Variants in COL24A1 observed in about 807,000 individuals in gnomAD.
COL24A1 encodes the protein collagen type XXIV alpha 1 chain, also known as collagen alpha-1(XXIV) chain.
In COL24A1, 224 loss-of-function variants were observed where a neutral mutation model predicts 253.9. That is an observed-to-expected ratio of 0.88 (90% confidence interval 0.79 to 0.99). The LOEUF is 0.99. COL24A1 is among the 50% of genes least tolerant of loss of function. The pLI, the probability that COL24A1 is intolerant of heterozygous loss-of-function variation, is 0.00. For missense variants in COL24A1, 2,131 were observed against 2,068.5 expected (o/e 1.03, Z -0.59); for synonymous variants, 685 against 673.7 (o/e 1.02, Z -0.26).
At chr1:85,937,939 G>A (rs1688380248) in intron 24 of COL24A1, among the ~76,000 whole-genome samples, 2 of 147,508 alleles carry the variant, frequency 1.4e-5, no homozygotes, top group African/African-American at 2.5e-5. Context: ...AAAATATTAT[G>A]TCAGAGCAGG....
At chr1:85,940,591 G>T (rs1302164334) in intron 24 of COL24A1, among the ~76,000 whole-genome samples, 1 of 152,064 alleles carries the variant, frequency 6.6e-6, no homozygotes, top group Non-Finnish European at 1.5e-5. Context: ...GGAGGTTCCT[G>T]ATTAGACAAT....
intron 35 of COL24A1, among the ~76,000 whole-genome samples, chr1:85,871,218 C>G (rs186462655): frequency 6.6e-6 from 1 of 151,906 alleles, no homozygotes; most frequent in Non-Finnish European, 1.5e-5. Context: ...GCCTACCAAC[C>G]AAAAAAAGTC....
At chr1:86,112,807 A>G (rs1705739248) in intron 4 of COL24A1, among the ~76,000 whole-genome samples, 187 bp from the exon 5 acceptor site, 1 of 152,184 alleles carries the variant, frequency 6.6e-6, no homozygotes, top group African/African-American at 2.4e-5. Context: ...TTTTCTTCAG[A>G]TCTCAACTCA....
chr1:85,898,568 T>C (rs1683989454), intron 28 of COL24A1, among the ~76,000 whole-genome samples: 1 of 152,248 alleles, frequency 6.6e-6, no homozygotes, highest in South Asian at 2.1e-4. Flanking sequence ...ACAGTCTTAC[T>C]GTGCAAGACC....
At chr1:86,135,866 A>G (rs940550628) in intron 2 of COL24A1, among the ~76,000 whole-genome samples, 3 of 151,862 alleles carry the variant, frequency 2.0e-5, no homozygotes, top group Non-Finnish European at 2.9e-5. Flanking sequence ...CTTATTGTAT[A>G]TTTCTACTTG....
chr1:85,920,538 T>C (rs1362429007), intron 24 of COL24A1, among the ~76,000 whole-genome samples: 2 of 152,174 alleles, frequency 1.3e-5, no homozygotes, highest in African/African-American at 2.4e-5. Context: ...AGAATCACTA[T>C]TGGTTTTCAG....
chr1:85,842,459 T>A, intron 39 of COL24A1, 66 bp from the exon 40 acceptor site: 1 of 1,064,470 alleles, frequency 9.4e-7, no homozygotes, highest in Non-Finnish European at 1.4e-6. Flanking sequence ...ATTAGACTTC[T>A]ACTCCTATTG....
intron 7 of COL24A1, among the ~76,000 whole-genome samples, chr1:86,064,363 T>C (rs1426289754): frequency 2.6e-5 from 4 of 152,090 alleles, no homozygotes; most frequent in Admixed American, 6.6e-5. Context: ...AAAATCTTAA[T>C]CTCTATAAAT....
intron 24 of COL24A1, among the ~76,000 whole-genome samples, chr1:85,939,251 T>C (rs1688512931): frequency 1.3e-5 from 2 of 152,280 alleles, no homozygotes; most frequent in East Asian, 1.9e-4. Context: ...TCTGTGGTTA[T>C]GGAAAAAATG....
intron 45 of COL24A1, among the ~76,000 whole-genome samples, chr1:85,822,560 GT>G (rs1673757132): frequency 6.6e-6 from 1 of 151,914 alleles, no homozygotes; most frequent in Non-Finnish European, 1.5e-5. Context: ...CAGATTTTTA[GT>G]TTGCTTGATA....
At chr1:86,105,491 G>A (rs960698695) in intron 5 of COL24A1, among the ~76,000 whole-genome samples, 1 of 152,136 alleles carries the variant, frequency 6.6e-6, no homozygotes, top group Non-Finnish European at 1.5e-5. Context: ...GTCCAGCATT[G>A]GGTGCCCTGG....
chr1:86,151,454 A>C (rs970866723), intron 1 of COL24A1, among the ~76,000 whole-genome samples: 3 of 152,158 alleles, frequency 2.0e-5, no homozygotes, highest in Admixed American at 1.3e-4. Context: ...AGGCTCAAAA[A>C]ATATAACCCA....
intron 27 of COL24A1, among the ~76,000 whole-genome samples, chr1:85,907,837 T>C (rs1684988067): frequency 6.6e-6 from 1 of 151,858 alleles, no homozygotes. Context: ...AATTTATTTA[T>C]CTATTAACCC....
At chr1:85,848,748 A>C (rs1424457302) in intron 38 of COL24A1, among the ~76,000 whole-genome samples, 3 of 152,230 alleles carry the variant, frequency 2.0e-5, no homozygotes, top group Non-Finnish European at 2.9e-5. Flanking sequence ...CTGTGAACAC[A>C]GTTGGACAGG....
At chr1:85,961,620 A>G (rs1207814831) in intron 23 of COL24A1, among the ~76,000 whole-genome samples, 1 of 152,176 alleles carries the variant, frequency 6.6e-6, no homozygotes, top group Non-Finnish European at 1.5e-5. Context: ...TCACACTGCT[A>G]TAAAGAACTA....
chr1:85,854,048 TCCAGAATAGTA>T (rs1432065347), intron 37 of COL24A1, among the ~76,000 whole-genome samples: 1 of 152,214 alleles, frequency 6.6e-6, no homozygotes, highest in Non-Finnish European at 1.5e-5. Flanking sequence ...AGGGCTGATG[TCCAGAATAGTA>T]TTCCCTAAGT....
intron 39 of COL24A1, 118 bp downstream of exon 39, chr1:85,847,547 T>C: frequency 1.5e-6 from 1 of 678,254 alleles, no homozygotes; most frequent in Non-Finnish European, 2.5e-6. Context: ...GGTAGATTAT[T>C]TTCAATGGAA....
chr1:86,056,520 T>G (rs1700672418), intron 10 of COL24A1, among the ~76,000 whole-genome samples: 1 of 152,252 alleles, frequency 6.6e-6, no homozygotes, highest in African/African-American at 2.4e-5. Flanking sequence ...GACATCATTA[T>G]TGCACATATT....
chr1:85,982,027 T>C (rs1388579024), intron 20 of COL24A1, among the ~76,000 whole-genome samples: 1 of 152,120 alleles, frequency 6.6e-6, no homozygotes, highest in Admixed American at 6.6e-5. Flanking sequence ...CAAATGTTCA[T>C]TGACAGATGA....
Sources: gnomAD v4.1 joint callset for allele counts (sites outside exome capture counted in the v4.1 genomes callset) on GRCh38, gnomAD v4.1.1 for gene constraint, MANE v1.5 for transcripts, NCBI Gene and HGNC (gene_info 2026-07-23, HGNC 2026-07-21) for gene names.